Variants in VAV3 observed in about 807,000 individuals in gnomAD.
VAV3 encodes vav guanine nucleotide exchange factor 3.
A neutral mutation model predicts 131.2 loss-of-function variants in VAV3; 94 were observed. That is an observed-to-expected ratio of 0.72 (90% CI 0.61 to 0.85). The LOEUF (loss-of-function observed/expected upper bound fraction) is 0.85. Among genes scored for constraint, VAV3 ranks in the 40% least tolerant of loss-of-function variants. The probability of loss-of-function intolerance (pLI) is 0.00; values close to 1 mark genes in which losing one functional copy is unlikely to be tolerated. For missense variants in VAV3, 939 were observed against 1,002.7 expected (o/e 0.94, Z 0.86); for synonymous variants, 349 against 342.0 (o/e 1.02, Z -0.22).
chr1:107,946,720 C>T, intron 1 of VAV3, among the ~76,000 whole-genome samples: 1 of 152,188 alleles, frequency 6.6e-6, no homozygotes, highest in Non-Finnish European at 1.5e-5. Flanking sequence ...TTCACAACTA[C>T]ATGCTATTCC....
rs576037123 is a variant in VAV3 at position 107,673,306 on chromosome 1, T to A, written c.1777+10182A>T. Among the ~76,000 whole-genome samples, 5 of 152,304 alleles carry A rather than the reference T, an allele frequency of 3.3e-5. No homozygotes were observed. In the South Asian group the frequency reaches 1.0e-3, roughly 32 times the overall value. On this transcript the variant is annotated intron_variant, in intron 19 of 26. Transcript: ENST00000370056. ...GTTCATCAGAATAAAGTCCAATTCC[T>A]TGATGTGCATCAACCAAGATCCTGC...
At chr1:107,755,031 A>C (rs1318574720) in intron 12 of VAV3, among the ~76,000 whole-genome samples, 1 of 151,972 alleles carries the variant, frequency 6.6e-6, no homozygotes, top group Middle Eastern at 3.2e-3. Flanking sequence ...TCTTGTTCAC[A>C]GTTACAGTCC....
At chr1:107,922,973 A>G (rs1363579739) in intron 1 of VAV3, among the ~76,000 whole-genome samples, 1 of 151,846 alleles carries the variant, frequency 6.6e-6, no homozygotes, top group East Asian at 1.9e-4. Context: ...AGAAAAAAAA[A>G]AAAAAGAGCA....
At chr1:107,668,428 G>A (rs1657560951) in intron 19 of VAV3, among the ~76,000 whole-genome samples, 1 of 152,176 alleles carries the variant, frequency 6.6e-6, no homozygotes, top group South Asian at 2.1e-4. Context: ...TTCCTCATCT[G>A]TAAAATGGGC....
intron 19 of VAV3, among the ~76,000 whole-genome samples, chr1:107,655,498 A>C (rs1443648671): frequency 3.3e-5 from 5 of 152,168 alleles, no homozygotes; most frequent in Admixed American, 1.3e-4. Context: ...CTTAAATCTA[A>C]GGCCTCAAAC....
At chr1:107,894,210 ATTAAT>A in intron 1 of VAV3, among the ~76,000 whole-genome samples, 1 of 152,348 alleles carries the variant, frequency 6.6e-6, no homozygotes, top group Middle Eastern at 3.4e-3. Flanking sequence ...GTATATGTTT[ATTAAT>A]TTAAATTTTC....
chr1:107,770,479 T>A (rs890934751), intron 6 of VAV3, among the ~76,000 whole-genome samples, 157 bp downstream of exon 6: 1 of 152,178 alleles, frequency 6.6e-6, no homozygotes, highest in Non-Finnish European at 1.5e-5. Context: ...CATCCATAAA[T>A]AGTTGTAAAA....
At chr1:107,910,364 A>T (rs1571128915) in intron 1 of VAV3, among the ~76,000 whole-genome samples, 2 of 152,242 alleles carry the variant, frequency 1.3e-5, no homozygotes, top group East Asian at 3.8e-4. Context: ...AGACAATCAC[A>T]TACTTTTCAC....
At chr1:107,659,657 A>G (rs1161477959) in intron 19 of VAV3, among the ~76,000 whole-genome samples, 2 of 152,142 alleles carry the variant, frequency 1.3e-5, no homozygotes, top group Non-Finnish European at 2.9e-5. Flanking sequence ...ATTTAGTCAT[A>G]TTTTTTAGGA....
chr1:107,826,227 C>T (rs747733434), intron 2 of VAV3, among the ~76,000 whole-genome samples: 3 of 152,112 alleles, frequency 2.0e-5, no homozygotes, highest in South Asian at 2.1e-4. Flanking sequence ...CCTATCTACA[C>T]GATTAGGTTA....
chr1:107,808,412 T>C (rs1410292579), intron 2 of VAV3, among the ~76,000 whole-genome samples: 1 of 152,188 alleles, frequency 6.6e-6, no homozygotes, highest in Admixed American at 6.5e-5. Context: ...TCAAATTGCT[T>C]TTCAAACTCC....
At chr1:107,740,401 T>C (rs1662943449) in intron 15 of VAV3, among the ~76,000 whole-genome samples, 1 of 152,132 alleles carries the variant, frequency 6.6e-6, no homozygotes, top group Admixed American at 6.6e-5. Flanking sequence ...CAATAAACCA[T>C]GTGATAAAAC....
At chr1:107,945,440 C>T (rs1343481671) in intron 1 of VAV3, among the ~76,000 whole-genome samples, 2 of 152,166 alleles carry the variant, frequency 1.3e-5, no homozygotes, top group African/African-American at 4.8e-5. Flanking sequence ...TTATTGAGCA[C>T]TAGTGCTGGT....
At chr1:107,888,305 C>G (rs753231207) in intron 1 of VAV3, among the ~76,000 whole-genome samples, 3 of 152,156 alleles carry the variant, frequency 2.0e-5, no homozygotes, top group Non-Finnish European at 4.4e-5. Context: ...ACCAACAAAC[C>G]CAGTGTTTAA....
intron 1 of VAV3, chr1:107,964,321 T>G: frequency 5.0e-6 from 1 of 198,850 alleles, no homozygotes. Flanking sequence ...CTCCCCTTCG[T>G]TATTATAGAA....
chr1:107,611,592 G>C (rs1043656305), intron 21 of VAV3, among the ~76,000 whole-genome samples: 7 of 50,878 alleles, frequency 1.4e-4, no homozygotes, highest in African/African-American at 3.5e-4. Context: ...TTTCCATAGA[G>C]AACCAAAAAA....
intron 1 of VAV3, among the ~76,000 whole-genome samples, chr1:107,910,100 C>A (rs930179989): frequency 1.3e-5 from 2 of 152,164 alleles, no homozygotes; most frequent in Non-Finnish European, 2.9e-5. Context: ...GCATGATTAT[C>A]CTCATTTTAC....
intron 1 of VAV3, among the ~76,000 whole-genome samples, chr1:107,957,303 A>G (rs531202546): frequency 1.3e-5 from 2 of 151,456 alleles, no homozygotes; most frequent in African/African-American, 4.9e-5. Flanking sequence ...CTATCCCTCT[A>G]TTCACCTCCT....
chr1:107,741,420 C>A (rs1001867803), intron 15 of VAV3, among the ~76,000 whole-genome samples: 1 of 152,180 alleles, frequency 6.6e-6, no homozygotes, highest in South Asian at 2.1e-4. Flanking sequence ...GCAAGGGGTG[C>A]TGGTCCTCTG....
Sources: gnomAD v4.1 joint callset for allele counts (sites outside exome capture counted in the v4.1 genomes callset) on GRCh38, gnomAD v4.1.1 for gene constraint, MANE v1.5 for transcripts, NCBI Gene and HGNC (gene_info 2026-07-23, HGNC 2026-07-21) for gene names.